The following MYLK4 variants were observed in gnomAD, a reference collection of about 807,000 sequenced individuals.
MYLK4 encodes the protein myosin light chain kinase family member 4, also known as caMLCK like.
Under a neutral mutation model 48.1 loss-of-function variants are expected in MYLK4, and 46 were observed. The observed-to-expected ratio is 0.96, with a 90% CI of 0.75 to 1.22. MYLK4 has a LOEUF of 1.22. MYLK4 is among the 50% of genes most tolerant of loss of function. The pLI is 0.00. For missense variants in MYLK4, 451 were observed against 486.1 expected, an observed-to-expected ratio of 0.93 and a Z score of 0.68; for synonymous variants, 170 against 180.8, an observed-to-expected ratio of 0.94 and a Z score of 0.48.
chr6:2,721,525 T>C (rs755914404), intron 2 of MYLK4, among the ~76,000 whole-genome samples: 1 of 130,796 alleles, frequency 7.6e-6, no homozygotes, highest in Non-Finnish European at 1.7e-5. Flanking sequence ...CTATGACTTT[T>C]ATTTTCTTTC....
intron 2 of MYLK4, among the ~76,000 whole-genome samples, chr6:2,705,418 G>A (rs1304452297): frequency 6.6e-6 from 1 of 152,204 alleles, no homozygotes; most frequent in Non-Finnish European, 1.5e-5. Context: ...AGTGAAGCGG[G>A]ATGGGGGTAT....
chr6:2,742,902 G>A (rs1763947662), intron 2 of MYLK4, among the ~76,000 whole-genome samples: 1 of 152,092 alleles, frequency 6.6e-6, no homozygotes, highest in Non-Finnish European at 1.5e-5. Context: ...TTTATACACA[G>A]GTGTAGGGAT....
intron 2 of MYLK4, among the ~76,000 whole-genome samples, chr6:2,699,287 CTTTTTTTTTTT>C (rs56959282): frequency 1.3e-5 from 1 of 77,894 alleles, no homozygotes; most frequent in Non-Finnish European, 2.2e-5. Context: ...CTTTTCTTTT[CTTTTTTTTTTT>C]TTTTTTTTTT....
At chr6:2,722,552 T>TGTGTGC (rs1430778193) in intron 2 of MYLK4, among the ~76,000 whole-genome samples, 13 of 145,420 alleles carry the variant, frequency 8.9e-5, no homozygotes, top group Non-Finnish European at 9.2e-5. Context: ...TGTGTGTGTG[T>TGTGTGC]GTGTTGGAGG....
rs181093569 is a variant in MYLK4, at chr6:2,685,057, A to C, written c.545+239T>G. Among the ~76,000 whole-genome samples the C allele has an allele frequency of 2.6e-5, 4 of 152,206 alleles. No individual in the cohort carries two copies. Among genetic ancestry groups the C allele is most frequent in the African/African-American group, 9.7e-5 (4 of 41,426 alleles). ...AAGCTTGATTTTTGACAAACAGCGT[A>C]GATACAAAGCTAGATCTACTTGGTC... On this transcript the variant is annotated intron_variant, in intron 6 of 12. Transcript: ENST00000274643. This position sits in a 1 kb window ranked among gnomAD's most constrained non-coding sequence, Gnocchi z 4.5.
chr6:2,766,840 C>T, the MYLK4 span, among the ~76,000 whole-genome samples: 4 of 151,426 alleles, frequency 2.6e-5, no homozygotes, highest in Non-Finnish European at 4.4e-5. Context: ...TTGTATATTC[C>T]GTTTGTACAT....
rs180853040 is a variant in MYLK4, at chr6:2,673,006, A to T, written c.1120-1658T>A. Among the ~76,000 whole-genome samples, 1 of 152,158 alleles carries T rather than the reference A, an allele frequency of 6.6e-6. No homozygotes were observed. Among genetic ancestry groups the T allele is most frequent in the African/African-American group, 2.4e-5 (1 of 41,522 alleles). Reference sequence around the variant, plus strand: ...TATAAAATGAAATTTATTTTTCATTAAAAAAAACCCATCATCACTCTTGAA... The same window carrying T: ...TATAAAATGAAATTTATTTTTCATTTAAAAAAACCCATCATCACTCTTGAA... On this transcript the variant is annotated intron_variant, in intron 11 of 12. Transcript: ENST00000274643. The surrounding 1 kb of genome is among the most constrained non-coding windows in gnomAD (Gnocchi z 4.2).
chr6:2,743,557 T>C (rs1404335029), intron 2 of MYLK4, among the ~76,000 whole-genome samples: 2 of 152,220 alleles, frequency 1.3e-5, no homozygotes, highest in African/African-American at 4.8e-5. Flanking sequence ...TTAGTAAGAG[T>C]AGAAGCACTT....
chr6:2,678,797 A>G (rs1761184341), intron 9 of MYLK4, among the ~76,000 whole-genome samples: 1 of 142,142 alleles, frequency 7.0e-6, no homozygotes, highest in Non-Finnish European at 1.5e-5. Context: ...TGCAACCTCC[A>G]CCTCCTGGAA....
At position 2,683,196 on chromosome 6, in the gene MYLK4, C is replaced by T. The variant is rs375616616; in HGVS notation, c.546-34G>A. On this transcript the variant is annotated intron_variant, in intron 6 of 12. Coordinates refer to ENST00000274643, the MANE Select transcript of MYLK4 (RefSeq NM_001012418.5). ...GGAAGAGGACTGAAACCCTCAGTCCCGATTTCCTTACCACCATGTGCTTTT... is the reference window on the plus strand; with the variant it reads ...GGAAGAGGACTGAAACCCTCAGTCCTGATTTCCTTACCACCATGTGCTTTT... 1.1e-5 allele frequency: 18 copies of T among 1,612,520 alleles called. No individual in the cohort carries two copies. In the African/African-American group the frequency reaches 1.5e-4, roughly 13 times the overall value.
At chr6:2,765,428 GGCCGGCCGAGGGCGGGC>G in the MYLK4 span, 1 of 551,086 alleles carries the variant, frequency 1.8e-6, no homozygotes, top group Non-Finnish European at 2.6e-6. Flanking sequence ...CGCTGCCAGC[GGCCGGCCGAGGGCGGGC>G]GGACGCGGGA....
At chr6:2,760,670 T>C in the MYLK4 span, among the ~76,000 whole-genome samples, 30 of 151,984 alleles carry the variant, frequency 2.0e-4, no homozygotes, top group Non-Finnish European at 3.2e-4. Flanking sequence ...TGAATATCAA[T>C]GGAAAATCAC....
intron 2 of MYLK4, among the ~76,000 whole-genome samples, chr6:2,704,650 A>G (rs1762421824): frequency 6.6e-6 from 1 of 152,230 alleles, no homozygotes; most frequent in Non-Finnish European, 1.5e-5. Flanking sequence ...ACTTTTGATC[A>G]TGGGAAATGA....
Position 2,714,132 on chromosome 6 carries a change from C to T in MYLK4, c.160-21273G>A, listed in dbSNP as rs571129416. On this transcript the variant is annotated intron_variant, in intron 2 of 12. Transcript: ENST00000274643. ...ACATGGAATTGAGGTAGGAGACCAGCAGGACTTGTTTCCAGGACCCGGTCA... is the reference window on the plus strand; with the variant it reads ...ACATGGAATTGAGGTAGGAGACCAGTAGGACTTGTTTCCAGGACCCGGTCA... Among the ~76,000 whole-genome samples, 4 of 152,258 alleles carry T rather than the reference C, an allele frequency of 2.6e-5. No homozygotes were observed. The South Asian group carries it at 8.3e-4, about 32-fold the overall frequency.
chr6:2,757,545 G>T, the MYLK4 span, among the ~76,000 whole-genome samples: 4 of 150,978 alleles, frequency 2.6e-5, no homozygotes, highest in Non-Finnish European at 5.9e-5. Context: ...AACATTATTT[G>T]TTATATATAA....
At chr6:2,724,339 C>G (rs1368095931) in intron 2 of MYLK4, among the ~76,000 whole-genome samples, 1 of 152,126 alleles carries the variant, frequency 6.6e-6, no homozygotes, top group African/African-American at 2.4e-5. Context: ...AAGGAGTTGT[C>G]CTGGATAGGG....
the MYLK4 span, among the ~76,000 whole-genome samples, chr6:2,759,682 T>A: frequency 6.6e-6 from 1 of 152,210 alleles, no homozygotes; most frequent in Non-Finnish European, 1.5e-5. Context: ...CCTTTTACGG[T>A]TAGTGCATTA....
intron 2 of MYLK4, among the ~76,000 whole-genome samples, chr6:2,701,821 A>G (rs1762291981): frequency 6.6e-6 from 1 of 152,154 alleles, no homozygotes; most frequent in African/African-American, 2.4e-5. Context: ...TCTTTAACCA[A>G]TGGCCAGGTG....
At chr6:2,739,193 C>T (rs911082352) in intron 2 of MYLK4, among the ~76,000 whole-genome samples, 5 of 152,184 alleles carry the variant, frequency 3.3e-5, no homozygotes, top group African/African-American at 1.2e-4. Context: ...GTGGCTCACA[C>T]CTGGAATCCC....
Sources: gnomAD v4.1 joint callset for allele counts (sites outside exome capture counted in the v4.1 genomes callset) on GRCh38, gnomAD v4.1.1 for gene constraint, Gnocchi (gnomAD v3.1) non-coding constraint, MANE v1.5 for transcripts, NCBI Gene and HGNC (gene_info 2026-07-23, HGNC 2026-07-21) for gene names.